NOL10: variants seen among roughly 807,000 people sequenced by gnomAD.
NOL10 encodes the protein nucleolar protein 10.
A neutral mutation model predicts 103.5 loss-of-function variants in NOL10; 58 were observed. The observed-to-expected ratio is 0.56, with a 90% CI of 0.45 to 0.70. NOL10 has a LOEUF of 0.70. NOL10 is among the 30% of genes least tolerant of loss of function. The probability of loss-of-function intolerance (pLI) is 0.00; values close to 1 mark genes in which losing one functional copy is unlikely to be tolerated. For synonymous variants in NOL10, 287 were observed against 282.5 expected, an observed-to-expected ratio of 1.02 and a Z score of -0.16; for missense variants, 763 against 807.3, an observed-to-expected ratio of 0.95 and a Z score of 0.67.
chr2:10,603,021 T>C (rs1256681653), intron 15 of NOL10, 57 bp downstream of exon 15: 3 of 1,391,058 alleles, frequency 2.2e-6, no homozygotes, highest in Non-Finnish European at 3.0e-6. Context: ...AGTGAGGAAA[T>C]GGCCACAGAC....
At chr2:10,665,478 T>A (rs1467778282) in intron 8 of NOL10, among the ~76,000 whole-genome samples, 5 of 152,200 alleles carry the variant, frequency 3.3e-5, no homozygotes, top group Admixed American at 3.3e-4. Flanking sequence ...AAAATCAATG[T>A]AAAATGAATT....
chr2:10,689,665 G>A (rs1345235268), intron 1 of NOL10, 131 bp downstream of exon 1: 3 of 880,474 alleles, frequency 3.4e-6, no homozygotes, highest in African/African-American at 3.4e-5. Flanking sequence ...AGCCGCCTCT[G>A]GGCCTCCCCG....
intron 13 of NOL10, chr2:10,622,040 G>A (rs1485671095): frequency 6.4e-6 from 3 of 470,922 alleles, no homozygotes; most frequent in Non-Finnish European, 1.3e-5. Flanking sequence ...ACAGCTACAT[G>A]TGACTAATGG....
Position 10,602,831 on chromosome 2 carries a change from T to C in NOL10, c.1277A>G (p.Lys426Arg). ...VNPFAYEEYR[K>R]DKIRQKIEET... ...TTCTATTTTCTGTCGTATTTTATCT[T>C]TCCTATATTCTTCATAAGCAAATGG... The change falls in exon 16 of 21, where the codon AAA becomes AGA. Residue 426 changes from lysine to arginine, a missense_variant. Coordinates refer to ENST00000381685, the MANE Select transcript of NOL10 (RefSeq NM_024894.4). The C allele has an allele frequency of 6.2e-7, 1 of 1,610,864 alleles. No individual in the cohort carries two copies. The highest frequency in any genetic ancestry group is 8.5e-7 in the Non-Finnish European group (1 of 1,178,148).
intron 10 of NOL10, 39 bp downstream of exon 10, chr2:10,659,133 T>G: frequency 1.4e-6 from 2 of 1,380,944 alleles, no homozygotes; most frequent in Non-Finnish European, 1.0e-6. Context: ...ACCACTGAAA[T>G]ACCAACTTAC....
chr2:10,666,457 T>C (rs971237806), intron 8 of NOL10, among the ~76,000 whole-genome samples: 1 of 152,024 alleles, frequency 6.6e-6, no homozygotes, highest in Non-Finnish European at 1.5e-5. Context: ...GCCTCCCAAA[T>C]AGCTGGGATT....
At chr2:10,593,621 G>A (rs546970244) in intron 17 of NOL10, among the ~76,000 whole-genome samples, 1 of 152,276 alleles carries the variant, frequency 6.6e-6, no homozygotes, top group South Asian at 2.1e-4. Context: ...GGAAATAGGG[G>A]TAATAAAAAT....
chr2:10,665,308 T>A (rs1680501286), intron 8 of NOL10, among the ~76,000 whole-genome samples: 1 of 152,216 alleles, frequency 6.6e-6, no homozygotes, highest in African/African-American at 2.4e-5. Context: ...ACAAAATGTA[T>A]TTTTAAGCAC....
chr2:10,635,533 C>T (rs564458993), intron 13 of NOL10, among the ~76,000 whole-genome samples: 1 of 152,232 alleles, frequency 6.6e-6, no homozygotes, highest in African/African-American at 2.4e-5. Flanking sequence ...AAGAAGGGGG[C>T]TGATAAAATA....
chr2:10,600,868 C>A lies in NOL10; in HGVS notation c.1407G>T (p.Trp469Cys). The change falls in exon 17 of 21, where the codon TGG (tryptophan) becomes TGT (cysteine). Residue 469 changes from tryptophan to cysteine, a missense_variant. Transcript: ENST00000381685. ...EEEEEKQKST[W>C]KKKVKSLPNI... ...TTCACCTTACCTTAACTTTCTTTTTCCATGTAGATTTCTGCTTCTCCTCTT... is the reference window on the plus strand; with the variant it reads ...TTCACCTTACCTTAACTTTCTTTTTACATGTAGATTTCTGCTTCTCCTCTT... 6.4e-7 allele frequency: 1 copy of A among 1,552,446 alleles called. No homozygotes were observed. Among genetic ancestry groups the A allele is most frequent in the Non-Finnish European group, 8.7e-7 (1 of 1,146,746 alleles).
chr2:10,571,491 C>T lies in NOL10; in HGVS notation c.*580G>A, dbSNP rs1393527568. 5 of 152,452 alleles carry T rather than the reference C, an allele frequency of 3.3e-5. No homozygotes were observed. The highest frequency in any genetic ancestry group is 9.6e-5 in the African/African-American group (4 of 41,576). 9.4% of individuals were successfully genotyped at this position (152,452 alleles called of 1,614,324 possible). On this transcript the variant is annotated 3_prime_UTR_variant, in exon 21 of 21. Transcript: ENST00000381685. ...CAGTGCTCAAACAGTTTTAGATTTT[C>T]GGATTTGGGATGCTCTCAACCTGCA...
chr2:10,574,770 A>G (rs1034086139), intron 20 of NOL10, among the ~76,000 whole-genome samples: 2 of 152,246 alleles, frequency 1.3e-5, no homozygotes, highest in Admixed American at 6.5e-5. Flanking sequence ...CAACATGGAC[A>G]TCAGTCCAAG....
intron 3 of NOL10, among the ~76,000 whole-genome samples, 173 bp downstream of exon 3, chr2:10,681,798 T>C (rs1681778591): frequency 6.6e-6 from 1 of 152,194 alleles, no homozygotes; most frequent in African/African-American, 2.4e-5. Context: ...AAACTATTTA[T>C]TGCAGAATTT....
chr2:10,688,020 C>G (rs570523416), intron 1 of NOL10, among the ~76,000 whole-genome samples: 2 of 152,310 alleles, frequency 1.3e-5, no homozygotes, highest in Admixed American at 6.5e-5. Flanking sequence ...GCAGCACCAC[C>G]GTGCACCCAC....
chr2:10,603,953 T>C (rs2148188178), intron 14 of NOL10, among the ~76,000 whole-genome samples: 1 of 152,330 alleles, frequency 6.6e-6, no homozygotes, highest in South Asian at 2.1e-4. Context: ...CCCAACCTTT[T>C]TGGCACCAGG....
chr2:10,603,516 G>C (rs1317247742), intron 14 of NOL10, among the ~76,000 whole-genome samples: 1 of 152,102 alleles, frequency 6.6e-6, no homozygotes, highest in African/African-American at 2.4e-5. Flanking sequence ...ATTGAAATGA[G>C]GAGAAGGGAG....
rs187561980 is a variant in NOL10 at position 10,623,287 on chromosome 2, G to C, written c.1027-15976C>G. On this transcript the variant is annotated intron_variant, in intron 13 of 20. Coordinates refer to ENST00000381685, the MANE Select transcript of NOL10 (RefSeq NM_024894.4). ...CTCCAGTCTTACCGGAGAAGTATCA[G>C]TATCTCCCATTCCTTAAGAGCCGCT... is the stretch of plus-strand genomic sequence containing the variant. Among the ~76,000 whole-genome samples the C allele has an allele frequency of 1.4e-3, 216 of 152,158 alleles. 1 individual carries two copies. Among genetic ancestry groups the C allele is most frequent in the African/African-American group, 4.8e-3 (200 of 41,518 alleles).
intron 13 of NOL10, among the ~76,000 whole-genome samples, chr2:10,615,894 T>G (rs1676806876): frequency 6.6e-6 from 1 of 152,102 alleles, no homozygotes; most frequent in Non-Finnish European, 1.5e-5. Flanking sequence ...CTGCCCTATG[T>G]GCGGGGTGGG....
At chr2:10,615,211 A>G (rs1676769953) in intron 13 of NOL10, among the ~76,000 whole-genome samples, 1 of 152,254 alleles carries the variant, frequency 6.6e-6, no homozygotes, top group African/African-American at 2.4e-5. Context: ...AAATCAGATT[A>G]GCAAAGAAGC....
Sources: gnomAD v4.1 joint callset for allele counts (sites outside exome capture counted in the v4.1 genomes callset) on GRCh38, gnomAD v4.1.1 for gene constraint, MANE v1.5 for transcripts, NCBI Gene and HGNC (gene_info 2026-07-23, HGNC 2026-07-21) for gene names.